HIVEP3: variants seen among roughly 807,000 people sequenced by gnomAD.
The protein encoded by HIVEP3 is transcription factor HIVEP3.
HIVEP3 carries 49 observed loss-of-function variants against 152.8 expected under a neutral mutation model. That is an observed-to-expected ratio of 0.32 (90% CI 0.26 to 0.41). The LOEUF (loss-of-function observed/expected upper bound fraction) is 0.41, where lower values mean the gene tolerates loss of function less well. HIVEP3 is among the 10% of genes least tolerant of loss of function. The pLI, the probability that HIVEP3 is intolerant of heterozygous loss-of-function variation, is 1.00. For synonymous variants in HIVEP3, 1,269 were observed against 1,289.0 expected (o/e 0.98, Z 0.33); for missense variants, 2,790 against 3,103.3 (o/e 0.90, Z 2.40).
Position 41,973,547 on chromosome 1 carries a change from A to G in HIVEP3, n.120-55023T>C, listed in dbSNP as rs140476218. Among the ~76,000 whole-genome samples the G allele has an allele frequency of 2.3e-3, 358 of 152,354 alleles. 1 individual carries two copies. The highest frequency in any genetic ancestry group is 8.2e-3 in the African/African-American group (343 of 41,578). On this transcript the variant is annotated intron_variant and non_coding_transcript_variant, in intron 1 of 3. Coordinates refer to the HIVEP3 transcript ENST00000489103. ...TAACTGGCTTCACCAATGGAAAGAG[A>G]AAGAGAGAGGCAGAGACAGAGACAG...
At chr1:41,941,434 C>G (rs777059631) in intron 1 of HIVEP3, among the ~76,000 whole-genome samples, 4 of 152,262 alleles carry the variant, frequency 2.6e-5, no homozygotes, top group Non-Finnish European at 4.4e-5. Flanking sequence ...CTTCTTCCAT[C>G]ACACTACAGA....
At chr1:41,994,198 G>C (rs1477105805) in intron 1 of HIVEP3, among the ~76,000 whole-genome samples, 2 of 149,502 alleles carry the variant, frequency 1.3e-5, no homozygotes, top group African/African-American at 4.9e-5. Flanking sequence ...TCTCTGGAGA[G>C]AAGCATGTTA....
At chr1:41,710,187 C>T (rs1646491915) in intron 1 of HIVEP3, among the ~76,000 whole-genome samples, 1 of 152,190 alleles carries the variant, frequency 6.6e-6, no homozygotes, top group South Asian at 2.1e-4. Flanking sequence ...CATCTGCACA[C>T]TCTGCCTCTT....
chr1:41,627,420 A>C (rs1404690954), intron 3 of HIVEP3, among the ~76,000 whole-genome samples: 3 of 152,152 alleles, frequency 2.0e-5, no homozygotes, highest in Admixed American at 6.5e-5. Context: ...CACAACAAAC[A>C]TCCCCTCTTA....
At chr1:41,826,596 A>G (rs1411682995) in intron 1 of HIVEP3, among the ~76,000 whole-genome samples, 1 of 152,210 alleles carries the variant, frequency 6.6e-6, no homozygotes, top group Non-Finnish European at 1.5e-5. Context: ...GGCACGGCTT[A>G]GGAGGAATCC....
upstream of HIVEP3, among the ~76,000 whole-genome samples, chr1:41,919,493 C>T (rs958894976): frequency 4.6e-5 from 7 of 152,230 alleles, no homozygotes; most frequent in Non-Finnish European, 7.3e-5. Context: ...TAAAGTCGAA[C>T]ATAATCCAGA....
At chr1:41,707,814 A>G (rs1646456480) in intron 1 of HIVEP3, among the ~76,000 whole-genome samples, 1 of 152,248 alleles carries the variant, frequency 6.6e-6, no homozygotes, top group Non-Finnish European at 1.5e-5. Context: ...AAAATGATTT[A>G]CTGCATGCCA....
At chr1:42,008,142 T>C (rs902723861) in intron 1 of HIVEP3, among the ~76,000 whole-genome samples, 1 of 145,920 alleles carries the variant, frequency 6.9e-6, no homozygotes, top group Non-Finnish European at 1.5e-5. Flanking sequence ...ACTGAAAATA[T>C]GATGGAATGT....
chr1:41,714,937 C>T (rs1646568642), intron 1 of HIVEP3, among the ~76,000 whole-genome samples: 1 of 152,096 alleles, frequency 6.6e-6, no homozygotes, highest in African/African-American at 2.4e-5. Context: ...CTGTCTTCCC[C>T]ACTCCCTCCG....
At chr1:41,683,110 G>A (rs1221233100) in intron 2 of HIVEP3, among the ~76,000 whole-genome samples, 3 of 152,216 alleles carry the variant, frequency 2.0e-5, no homozygotes, top group Non-Finnish European at 4.4e-5. Context: ...ACAGCAAAAT[G>A]GGGATCTGCC....
rs770928569 is a variant in HIVEP3 at position 41,511,017 on chromosome 1, C to T, written c.6655G>A (p.Ala2219Thr). The change falls in exon 9 of 9, where the codon GCA becomes ACA. Residue 2219 changes from alanine to threonine, a missense_variant. Physicochemically the swap from Ala to Thr is moderately conservative, Grantham distance 58. This residue lies in a region of HIVEP3 where 816 missense variants were observed against 806.5 expected (regional missense o/e 1.01). Transcript: ENST00000372583. This position sits in a 1 kb window ranked among gnomAD's most constrained non-coding sequence, Gnocchi z 4.9. ...AHPTLLPGPTAAWVSGFSGGG... is the reference protein window; with the variant it reads ...AHPTLLPGPTTAWVSGFSGGG... Reference sequence around the variant, plus strand: ...CCGGAGAAGCCACTGACCCAGGCTGCGGTGGGCCCTGGCAGCAGGGTGGGG... The same window carrying T: ...CCGGAGAAGCCACTGACCCAGGCTGTGGTGGGCCCTGGCAGCAGGGTGGGG... 1.2e-5 allele frequency: 19 copies of T among 1,613,468 alleles called. No individual in the cohort carries two copies. Among genetic ancestry groups the T allele is most frequent in the Middle Eastern group, 1.6e-4 (1 of 6,062 alleles).
In HIVEP3 at chr1:41,628,762, A is replaced by G. The variant is rs1261538886; in HGVS notation, c.-535T>C. On this transcript the variant is annotated 5_prime_UTR_variant, in exon 3 of 9. Coordinates refer to ENST00000372583, the MANE Select transcript of HIVEP3 (RefSeq NM_024503.5). Reference sequence around the variant, plus strand: ...CCCATTTCCTACCTGTGCTGAAGGCACCACTTCCGATGACCAAAACTGAAA... The same window carrying G: ...CCCATTTCCTACCTGTGCTGAAGGCGCCACTTCCGATGACCAAAACTGAAA... 4 of 1,232,074 alleles carry G rather than the reference A, an allele frequency of 3.2e-6. No individual in the cohort carries two copies. In the South Asian group the frequency reaches 1.2e-4, roughly 38 times the overall value. 76.3% of individuals were successfully genotyped at this position (1,232,074 alleles called of 1,614,324 possible). A position where few individuals can be genotyped will look rare whatever the true frequency, so the allele number is the denominator to read the frequency against.
chr1:41,530,840 T>TGGAGAGAGAGAGATAGGAAGGGGAG (rs1643223164), intron 5 of HIVEP3, among the ~76,000 whole-genome samples: 1 of 152,040 alleles, frequency 6.6e-6, no homozygotes, highest in Non-Finnish European at 1.5e-5. Flanking sequence ...TCTTTCCAAA[T>TGGAGAGAGAGAGATAGGAAGGGGAG]GGAGAGAGAG....
intron 1 of HIVEP3, among the ~76,000 whole-genome samples, chr1:41,787,276 TCC>T (rs1649405816): frequency 1.3e-5 from 2 of 152,182 alleles, no homozygotes; most frequent in African/African-American, 4.8e-5. Flanking sequence ...CTGCAGTACT[TCC>T]CAAACAGTGC....
chr1:41,812,814 G>C (rs1651044468), intron 1 of HIVEP3, among the ~76,000 whole-genome samples: 1 of 150,454 alleles, frequency 6.6e-6, no homozygotes, highest in South Asian at 2.1e-4. Context: ...CCTTGGGGGT[G>C]GGGGGACAGA....
intron 2 of HIVEP3, among the ~76,000 whole-genome samples, chr1:41,678,062 T>TA (rs894946440): frequency 1.3e-5 from 2 of 152,180 alleles, no homozygotes; most frequent in Non-Finnish European, 2.9e-5. Flanking sequence ...AGAGCAATTC[T>TA]AAAAAAATGC....
intron 1 of HIVEP3, among the ~76,000 whole-genome samples, chr1:41,943,044 C>T (rs890975841): frequency 2.0e-5 from 3 of 152,086 alleles, no homozygotes; most frequent in Non-Finnish European, 2.9e-5. Context: ...GGACTACAGG[C>T]GCCCGCCATC....
At chr1:41,537,225 A>G (rs746401042) in intron 5 of HIVEP3, among the ~76,000 whole-genome samples, 1 of 152,152 alleles carries the variant, frequency 6.6e-6, no homozygotes, top group Non-Finnish European at 1.5e-5. Flanking sequence ...TGACTTTTCC[A>G]CCTATTATTC....
chr1:41,735,714 G>A (rs1323265856), intron 1 of HIVEP3, among the ~76,000 whole-genome samples: 2 of 152,116 alleles, frequency 1.3e-5, no homozygotes, highest in African/African-American at 4.8e-5. Context: ...GTCAGCACAG[G>A]CAAACTCCAT....
Sources: gnomAD v4.1 joint callset for allele counts (sites outside exome capture counted in the v4.1 genomes callset) on GRCh38, gnomAD v4.1.1 for gene constraint, gnomAD v4.1.1 regional missense constraint, Gnocchi (gnomAD v3.1) non-coding constraint, MANE v1.5 for transcripts, NCBI Gene and HGNC (gene_info 2026-07-23, HGNC 2026-07-21) for gene names.